The following OTUD4 variants were observed in gnomAD, a reference collection of about 807,000 sequenced individuals.
OTUD4 encodes OTU domain-containing protein 4.
In OTUD4, 24 loss-of-function variants were observed where a neutral mutation model predicts 130.4. The ratio of observed to expected loss-of-function variants is 0.18; its 90% CI spans 0.13 to 0.26. The LOEUF is 0.26. Ranked by LOEUF, OTUD4 falls within the 10% of genes least tolerant of loss-of-function variation. The pLI, the probability that OTUD4 is intolerant of heterozygous loss-of-function variation, is 1.00. For synonymous variants in OTUD4, 420 were observed against 472.5 expected, an observed-to-expected ratio of 0.89 and a Z score of 1.44; for missense variants, 1,031 against 1,329.4, an observed-to-expected ratio of 0.78 and a Z score of 3.49.
intron 17 of OTUD4, among the ~76,000 whole-genome samples, chr4:145,142,676 C>T (rs1014231180): frequency 3.3e-5 from 5 of 152,202 alleles, no homozygotes; most frequent in Non-Finnish European, 1.5e-5. Flanking sequence ...CGTGAGCCAC[C>T]GCACCTATCC....
intron 3 of OTUD4, chr4:145,171,345 C>A: frequency 8.9e-5 from 16 of 180,500 alleles, no homozygotes; most frequent in Middle Eastern, 2.3e-3. Context: ...AGAAATCAAA[C>A]TTCACCCTGT....
At chr4:145,175,871 C>A (rs111872024) in intron 1 of OTUD4, among the ~76,000 whole-genome samples, 1 of 151,718 alleles carries the variant, frequency 6.6e-6, no homozygotes, top group South Asian at 2.1e-4. Flanking sequence ...TTATCCAATG[C>A]TTCCTTCTAG....
At chr4:145,138,679 C>A (rs1560975839) in intron 20 of OTUD4, 29 bp from the exon 21 acceptor site, 3 of 1,559,752 alleles carry the variant, frequency 1.9e-6, no homozygotes, top group Admixed American at 2.0e-5. Flanking sequence ...GTTAAATAAA[C>A]AAAAGAGGAG....
chr4:145,144,258 C>G (rs1010732470), intron 15 of OTUD4, 53 bp downstream of exon 15: 6 of 1,558,960 alleles, frequency 3.8e-6, no homozygotes, highest in African/African-American at 1.4e-5. Flanking sequence ...GACATTAAGC[C>G]AGTCATCTAA....
intron 1 of OTUD4, 27 bp downstream of exon 1, chr4:145,179,788 A>T (rs1225204519): frequency 5.1e-6 from 2 of 391,426 alleles, no homozygotes; most frequent in Non-Finnish European, 8.3e-6. Flanking sequence ...CCTCCCCTCG[A>T]AGCCCTCCCC....
At position 145,147,065 on chromosome 4, in the gene OTUD4, C is replaced by T. The variant is rs72617425; in HGVS notation, c.1260-636G>A. ...AGAAATTAATGAATAGAGTTTAGTA[C>T]CCTATAATCCAACCCTAATGTGTTA... On this transcript the variant is annotated intron_variant, in intron 13 of 20. Coordinates refer to ENST00000447906, the MANE Select transcript of OTUD4 (RefSeq NM_001366057.1). Among the ~76,000 whole-genome samples the T allele has an allele frequency of 0.032, 4,802 of 152,214 alleles. 490 individuals are homozygous for T. The East Asian group carries it at 0.33, about 11-fold the overall frequency.
At chr4:145,176,533 C>CA (rs879310700) in intron 1 of OTUD4, among the ~76,000 whole-genome samples, 2,882 of 111,248 alleles carry the variant, frequency 0.026, 33 homozygotes, top group Admixed American at 0.025. Context: ...CTAAAAAATA[C>CA]AAAAAAAAAA....
At chr4:145,139,539 C>A (rs1174849499) in intron 20 of OTUD4, among the ~76,000 whole-genome samples, 1 of 152,066 alleles carries the variant, frequency 6.6e-6, no homozygotes, top group African/African-American at 2.4e-5. Context: ...ATAATGGAGG[C>A]AAGTAAAGAA....
At chr4:145,151,715 C>T (rs931991850) in intron 11 of OTUD4, among the ~76,000 whole-genome samples, 1 of 152,132 alleles carries the variant, frequency 6.6e-6, no homozygotes, top group African/African-American at 2.4e-5. Flanking sequence ...AAAAATTGTG[C>T]TGCTGGTTAT....
intron 13 of OTUD4, among the ~76,000 whole-genome samples, chr4:145,149,917 T>C (rs1750989421): frequency 6.6e-6 from 1 of 152,136 alleles, no homozygotes; most frequent in Non-Finnish European, 1.5e-5. Flanking sequence ...CAAAGGGCTA[T>C]AAAATTACTG....
At chr4:145,145,597 G>A (rs1397032702) in intron 14 of OTUD4, among the ~76,000 whole-genome samples, 1 of 152,106 alleles carries the variant, frequency 6.6e-6, no homozygotes, top group Non-Finnish European at 1.5e-5. Flanking sequence ...TAGGTCATTT[G>A]GGTACTACTT....
At chr4:145,141,766 A>C (rs1750574438) in intron 18 of OTUD4, 127 bp from the exon 19 acceptor site, 1 of 759,062 alleles carries the variant, frequency 1.3e-6, no homozygotes, top group Non-Finnish European at 2.0e-6. Context: ...TTTTAGTATC[A>C]ACCAAGAGCC....
At chr4:145,156,702 C>G (rs1018758383) in intron 7 of OTUD4, among the ~76,000 whole-genome samples, 1 of 151,858 alleles carries the variant, frequency 6.6e-6, no homozygotes, top group Non-Finnish European at 1.5e-5. Context: ...AAAAAATACT[C>G]TACGTCAAAT....
chr4:145,146,351 C>T lies in OTUD4; in HGVS notation c.1338G>A (p.Glu446=). The part of the protein sequence containing the change: ...ESNYFGLSPE[E]RREKQAIEES... ...CTTCTATAGCTTGCTTCTCTCTGCG[C>T]TCTTCTGGGGAAAGGCCGAAATAGT... The change falls in exon 14 of 21, where the codon GAG becomes GAA. Residue 446 remains glutamate (E), a synonymous_variant. Coordinates refer to ENST00000447906, the MANE Select transcript of OTUD4 (RefSeq NM_001366057.1). 5 of 1,597,780 alleles carry T rather than the reference C, an allele frequency of 3.1e-6. No homozygotes were observed. The highest frequency in any genetic ancestry group is 4.3e-6 in the Non-Finnish European group (5 of 1,174,108).
intron 11 of OTUD4, among the ~76,000 whole-genome samples, chr4:145,152,005 C>T (rs976285218): frequency 6.6e-6 from 1 of 152,332 alleles, no homozygotes; most frequent in South Asian, 2.1e-4. Flanking sequence ...TGCCTTTGTG[C>T]ACAATGGTAC....
intron 7 of OTUD4, among the ~76,000 whole-genome samples, chr4:145,158,783 G>C (rs1751419560): frequency 6.6e-6 from 1 of 152,160 alleles, no homozygotes; most frequent in Non-Finnish European, 1.5e-5. Flanking sequence ...CCTAGGCTAT[G>C]TACTTTATAT....
At chr4:145,169,995 GA>G (rs1220287755) in intron 3 of OTUD4, among the ~76,000 whole-genome samples, 1 of 152,148 alleles carries the variant, frequency 6.6e-6, no homozygotes, top group African/African-American at 2.4e-5. Context: ...GCACTACAGA[GA>G]AAAATAAAGC....
intron 5 of OTUD4, 98 bp downstream of exon 5, chr4:145,164,056 T>C: frequency 1.6e-6 from 1 of 634,126 alleles, no homozygotes; most frequent in South Asian, 1.8e-5. Flanking sequence ...TACAGAAATA[T>C]TTCAAAAAAT....
chr4:145,178,506 CTATT>C (rs1264563669), intron 1 of OTUD4: 5 of 152,290 alleles, frequency 3.3e-5, no homozygotes, highest in African/African-American at 7.2e-5. Flanking sequence ...ATGGGGCAGA[CTATT>C]TACCTACTAA....
Sources: allele counts gnomAD v4.1 joint callset (sites outside exome capture counted in the v4.1 genomes callset), GRCh38; gene constraint gnomAD v4.1.1; transcripts MANE v1.5; gene names NCBI Gene and HGNC (gene_info 2026-07-23, HGNC 2026-07-21).